The following ASTN2 variants were observed in gnomAD, a reference collection of about 807,000 sequenced individuals.
ASTN2 encodes the protein astrotactin 2, also known as astrotactin-2.
ASTN2 carries 54 observed loss-of-function variants against 139.8 expected under a neutral mutation model. The observed-to-expected ratio is 0.39, with a 90% CI of 0.31 to 0.48. The LOEUF is 0.48. Among genes scored for constraint, ASTN2 ranks in the 20% least tolerant of loss-of-function variants. The pLI is 0.95. For missense variants in ASTN2, 1,565 were observed against 1,725.1 expected, an observed-to-expected ratio of 0.91 and a Z score of 1.64; for synonymous variants, 756 against 719.5, an observed-to-expected ratio of 1.05 and a Z score of -0.81.
At chr9:116,946,515 A>C (rs2132478096) in intron 10 of ASTN2, among the ~76,000 whole-genome samples, 1 of 152,294 alleles carries the variant, frequency 6.6e-6, no homozygotes, top group African/African-American at 2.4e-5. Flanking sequence ...TAAATTCCTT[A>C]GCTGTACAAC....
intron 7 of ASTN2, among the ~76,000 whole-genome samples, chr9:116,990,546 C>T (rs10115644): frequency 0.068 from 10,410 of 152,164 alleles, 1,070 homozygotes; most frequent in African/African-American, 0.22. Context: ...GTTTGGATAA[C>T]GTGCATAAGC....
Position 116,867,549 on chromosome 9 carries a change from CAAAAAAAAAA to C in ASTN2, c.1890-3826_1890-3817del, listed in dbSNP as rs58222492. ...TGGGCGACAGAGCGAGACTCTGTCT[CAAAAAAAAAA>C]AAAAAAAAAAAAAGGAAAGAAAACA... On this transcript the variant is annotated intron_variant, in intron 10 of 22. Coordinates refer to ENST00000313400, the MANE Select transcript of ASTN2 (RefSeq NM_001365068.1). 9.3e-3 allele frequency among the ~76,000 whole-genome samples: 729 copies of C among 78,324 alleles called. 6 individuals carry two copies. The highest frequency in any genetic ancestry group is 0.038 in the African/African-American group (715 of 18,582). The allele number at this position is 78,324 out of a possible 152,430, so 51.4% of individuals were successfully genotyped here.
chr9:116,734,118 G>A (rs1347753198), intron 13 of ASTN2, among the ~76,000 whole-genome samples: 1 of 152,042 alleles, frequency 6.6e-6, no homozygotes. Flanking sequence ...TGGGGAAACT[G>A]AGGCCTGGAG....
intron 20 of ASTN2, among the ~76,000 whole-genome samples, chr9:116,472,105 C>T (rs567023549): frequency 2.8e-4 from 43 of 152,248 alleles, no homozygotes; most frequent in African/African-American, 1.0e-3. Context: ...TTATACACCA[C>T]GAAGATCTTT....
At position 116,651,788 on chromosome 9, in the gene ASTN2, T is replaced by C; in HGVS notation, c.2812A>G (p.Thr938Ala). 6.2e-7 allele frequency: 1 copy of C among 1,613,296 alleles called. No individual in the cohort carries two copies. The highest frequency in any genetic ancestry group is 1.1e-5 in the South Asian group (1 of 91,070). ...AGCTCCTTCTTGCTGCCCAGCTCTG[T>C]GGTCTCTGGAGAGGCACAAGACAGG... is the stretch of plus-strand genomic sequence containing the variant. ...QLWLQYQKET[T>A]ELGSKKELKS... The change falls in exon 17 of 23, where the codon ACA (threonine) becomes GCA (alanine). Residue 938 changes from threonine (T) to alanine (A), a missense_variant. Thr to Ala is a moderately conservative substitution (Grantham distance 58, BLOSUM62 0). This residue lies in a region of ASTN2 where 48 missense variants were observed against 90.7 expected (regional missense o/e 0.53). Coordinates refer to ENST00000313400, the MANE Select transcript of ASTN2 (RefSeq NM_001365068.1).
chr9:116,885,669 C>A (rs775255226), intron 10 of ASTN2, among the ~76,000 whole-genome samples: 14 of 151,892 alleles, frequency 9.2e-5, no homozygotes, highest in Admixed American at 1.3e-4. Flanking sequence ...CCATCTCAAA[C>A]AAAACAAAAC....
intron 2 of ASTN2, among the ~76,000 whole-genome samples, chr9:117,250,161 C>T (rs1463142511): frequency 6.6e-6 from 1 of 152,182 alleles, no homozygotes; most frequent in Non-Finnish European, 1.5e-5. Flanking sequence ...CACCCATAGT[C>T]TTTAGTGATG....
chr9:117,060,585 C>CAGGCAGGAAGGAAGGAAGGA (rs373697206), intron 5 of ASTN2, among the ~76,000 whole-genome samples: 25 of 132,444 alleles, frequency 1.9e-4, no homozygotes, highest in African/African-American at 6.9e-4. Context: ...GGAAAGAAGG[C>CAGGCAGGAAGGAAGGAAGGA]AGGAAGGAAG....
chr9:117,189,674 G>A (rs1490607327), intron 3 of ASTN2, among the ~76,000 whole-genome samples: 1 of 152,140 alleles, frequency 6.6e-6, no homozygotes, highest in Non-Finnish European at 1.5e-5. Context: ...AATCTCAAAA[G>A]TATTAGTAAG....
At chr9:117,382,065 T>C (rs1031476759) in intron 1 of ASTN2, among the ~76,000 whole-genome samples, 9 of 152,124 alleles carry the variant, frequency 5.9e-5, no homozygotes, top group Non-Finnish European at 1.3e-4. Context: ...CCTTTAGGCT[T>C]GGTTTTTGTC....
chr9:116,725,987 T>C, intron 15 of ASTN2, 37 bp from the exon 16 acceptor site: 1 of 1,573,652 alleles, frequency 6.4e-7, no homozygotes, highest in East Asian at 2.2e-5. Flanking sequence ...TGGTCAGATG[T>C]GAGAGGCTGG....
At chr9:117,041,986 A>G (rs1838589540) in intron 5 of ASTN2, among the ~76,000 whole-genome samples, 1 of 152,000 alleles carries the variant, frequency 6.6e-6, no homozygotes, top group South Asian at 2.1e-4. Flanking sequence ...TAGACAGCCA[A>G]CTCCTTGAAG....
chr9:116,670,720 G>A (rs1018163701), intron 16 of ASTN2, among the ~76,000 whole-genome samples: 3 of 152,078 alleles, frequency 2.0e-5, no homozygotes, highest in Non-Finnish European at 4.4e-5. Flanking sequence ...GAGATGCAGG[G>A]CTTGGCAGAA....
intron 12 of ASTN2, among the ~76,000 whole-genome samples, chr9:116,810,114 AG>A (rs1194734018): frequency 6.6e-6 from 1 of 152,082 alleles, no homozygotes; most frequent in African/African-American, 2.4e-5. Context: ...TGGTTGGGGG[AG>A]GGGGCTCATT....
At chr9:116,484,981 C>A (rs780330718) in intron 20 of ASTN2, among the ~76,000 whole-genome samples, 5 of 152,186 alleles carry the variant, frequency 3.3e-5, no homozygotes, top group Non-Finnish European at 7.3e-5. Context: ...TACAGCGTCA[C>A]CCAGAGACAG....
rs3040211 is a variant in ASTN2, at chr9:116,852,878, TACACAC to T, written c.2040+10699_2040+10704del. On this transcript the variant is annotated intron_variant, in intron 11 of 22. Transcript: ENST00000313400. ...CTTTATTTATTACCCAAGGGGAAAA[TACACAC>T]ACACACACACACACACACACACACA... 9.6e-3 allele frequency among the ~76,000 whole-genome samples: 1,291 copies of T among 134,304 alleles called. 9 individuals are homozygous for T. Among genetic ancestry groups the T allele is most frequent in the African/African-American group, 0.021 (728 of 34,176 alleles). The allele number at this position is 134,304 out of a possible 152,430, so 88.1% of individuals were successfully genotyped here. A position where few individuals can be genotyped will look rare whatever the true frequency, so the allele number is the denominator to read the frequency against.
intron 17 of ASTN2, among the ~76,000 whole-genome samples, chr9:116,627,172 A>C (rs1465530452): frequency 6.6e-6 from 1 of 152,248 alleles, no homozygotes; most frequent in Non-Finnish European, 1.5e-5. Flanking sequence ...TAGTTGACTT[A>C]AATCTTCTTA....
rs1270817480 is a variant in ASTN2, at chr9:117,060,432, A to G, written c.1277-20467T>C. Among the ~76,000 whole-genome samples, 237 of 52,678 alleles carry G rather than the reference A, an allele frequency of 4.5e-3. 17 individuals are homozygous for G. The highest frequency in any genetic ancestry group is 0.015 in the African/African-American group (209 of 13,860). The allele number at this position is 52,678 out of a possible 152,430, so 34.6% of individuals were successfully genotyped here. Reference sequence around the variant, plus strand: ...AAAGAAGGAAAGGAAGGAAGGAAGGAAGAGAGAGAGAGAAAGAAAGAAAGA... The same window carrying G: ...AAAGAAGGAAAGGAAGGAAGGAAGGGAGAGAGAGAGAGAAAGAAAGAAAGA... On this transcript the variant is annotated intron_variant, in intron 5 of 22. Transcript: ENST00000313400.
At chr9:117,104,259 G>T (rs1829050271) in intron 4 of ASTN2, among the ~76,000 whole-genome samples, 1 of 152,088 alleles carries the variant, frequency 6.6e-6, no homozygotes, top group Admixed American at 6.6e-5. Context: ...TAACTGAGAG[G>T]TCCATTTACA....
Sources: gnomAD v4.1 joint callset for allele counts (sites outside exome capture counted in the v4.1 genomes callset) on GRCh38, gnomAD v4.1.1 for gene constraint, gnomAD v4.1.1 regional missense constraint, MANE v1.5 for transcripts, NCBI Gene and HGNC (gene_info 2026-07-23, HGNC 2026-07-21) for gene names.